The following NFIL3 variants were observed in gnomAD, a reference collection of about 807,000 sequenced individuals.
The protein encoded by NFIL3 is nuclear factor, interleukin 3 regulated.
In NFIL3, 5 loss-of-function variants were observed where a neutral mutation model predicts 10.0. That is an observed-to-expected ratio of 0.50 (90% CI 0.26 to 1.06). The LOEUF is 1.06. Among genes scored for constraint, NFIL3 ranks in the 50% least tolerant of loss-of-function variants. The pLI is 0.13. For synonymous variants in NFIL3, 202 were observed against 206.5 expected, an observed-to-expected ratio of 0.98 and a Z score of 0.19; for missense variants, 436 against 547.6, an observed-to-expected ratio of 0.80 and a Z score of 2.03.
the NFIL3 span, among the ~76,000 whole-genome samples, chr9:91,458,328 G>A: frequency 6.6e-6 from 1 of 151,952 alleles, no homozygotes; most frequent in African/African-American, 2.4e-5. Flanking sequence ...TGAGATTCAG[G>A]GCTATTTAGG....
chr9:91,468,668 T>G, the NFIL3 span, among the ~76,000 whole-genome samples: 2 of 152,252 alleles, frequency 1.3e-5, no homozygotes, highest in African/African-American at 2.4e-5. Flanking sequence ...TTTATGGTTT[T>G]GGGTCTAACA....
the NFIL3 span, among the ~76,000 whole-genome samples, chr9:91,466,024 CTGTG>C: frequency 1.3e-5 from 2 of 151,164 alleles, no homozygotes; most frequent in Non-Finnish European, 3.0e-5. Context: ...TACAGTAGAT[CTGTG>C]TGTGTGTGTA....
At chr9:91,443,495 C>T in the NFIL3 span, among the ~76,000 whole-genome samples, 2 of 152,376 alleles carry the variant, frequency 1.3e-5, no homozygotes, top group East Asian at 3.9e-4. Context: ...TCCTTGGCCT[C>T]CCACTTGTGC....
chr9:91,449,673 T>A, the NFIL3 span, among the ~76,000 whole-genome samples: 73 of 152,252 alleles, frequency 4.8e-4, no homozygotes, highest in African/African-American at 1.7e-3. Flanking sequence ...TTCTTTTTTC[T>A]TGTGATGTTT....
the NFIL3 span, among the ~76,000 whole-genome samples, chr9:91,431,090 G>A: frequency 1.8e-4 from 27 of 152,316 alleles, no homozygotes; most frequent in African/African-American, 5.8e-4. Flanking sequence ...TTGCAAAGTC[G>A]GCATGGGAGA....
the NFIL3 span, among the ~76,000 whole-genome samples, chr9:91,458,552 G>C: frequency 6.6e-6 from 1 of 151,694 alleles, no homozygotes; most frequent in Non-Finnish European, 1.5e-5. Flanking sequence ...AGCTTTTCTA[G>C]AAGTTATCCA....
chr9:91,460,913 A>G, the NFIL3 span, among the ~76,000 whole-genome samples: 2 of 152,382 alleles, frequency 1.3e-5, no homozygotes, highest in East Asian at 3.9e-4. Flanking sequence ...TCCTAAGCAT[A>G]TAGGCAATAT....
At chr9:91,452,662 C>T in the NFIL3 span, among the ~76,000 whole-genome samples, 3 of 151,768 alleles carry the variant, frequency 2.0e-5, no homozygotes, top group South Asian at 6.2e-4. Context: ...TGGCGTACAC[C>T]TGTAATCCCA....
At chr9:91,432,499 T>C in the NFIL3 span, among the ~76,000 whole-genome samples, 7 of 152,178 alleles carry the variant, frequency 4.6e-5, no homozygotes, top group African/African-American at 1.7e-4. Flanking sequence ...AGTGCAGCAA[T>C]AGTCCCAAAA....
Position 91,409,969 on chromosome 9 carries a change from A to C in NFIL3, c.766T>G (p.Ser256Ala). 6.2e-7 allele frequency: 1 copy of C among 1,613,590 alleles called. No individual in the cohort carries two copies. Reference protein sequence around the residue: ...NYMGNSFSGYSHSPPLLQVNR... With the variant: ...NYMGNSFSGYAHSPPLLQVNR... ...ACTTGCAGTAGTGGGGGAGAGTGTG[A>C]GTACCCAGAGAAAGAATTCCCCATA... The change falls in exon 2 of 2, where the codon TCA (serine) becomes GCA (alanine). Residue 256 changes from serine (S) to alanine (A), a missense_variant. By Grantham distance (99) the Ser-to-Ala change is moderately conservative. Coordinates refer to ENST00000297689, the MANE Select transcript of NFIL3 (RefSeq NM_005384.3).
At chr9:91,443,205 A>G in the NFIL3 span, among the ~76,000 whole-genome samples, 2 of 152,150 alleles carry the variant, frequency 1.3e-5, no homozygotes, top group Non-Finnish European at 2.9e-5. Context: ...TGGGCTCAGA[A>G]GGGAAGAAAT....
chr9:91,464,429 T>C, the NFIL3 span, among the ~76,000 whole-genome samples: 78 of 152,114 alleles, frequency 5.1e-4, no homozygotes, highest in Middle Eastern at 3.4e-3. Flanking sequence ...TATAATGGAG[T>C]ATTCCTATTT....
intron 1 of NFIL3, among the ~76,000 whole-genome samples, chr9:91,412,769 A>G (rs1231438742): frequency 1.3e-5 from 2 of 151,214 alleles, no homozygotes; most frequent in African/African-American, 2.4e-5. Flanking sequence ...GCTTGAACCC[A>G]GGAACCCAGG....
chr9:91,452,787 C>CAAAA, the NFIL3 span, among the ~76,000 whole-genome samples: 8 of 59,802 alleles, frequency 1.3e-4, no homozygotes, highest in East Asian at 4.6e-4. Context: ...AACTCTGTCT[C>CAAAA]AAAAAAAAAA....
chr9:91,461,873 G>C, the NFIL3 span, among the ~76,000 whole-genome samples: 1 of 152,154 alleles, frequency 6.6e-6, no homozygotes, highest in East Asian at 1.9e-4. Flanking sequence ...ATCTTATTTA[G>C]GAAACAAAGT....
At chr9:91,449,826 G>C in the NFIL3 span, among the ~76,000 whole-genome samples, 1 of 151,964 alleles carries the variant, frequency 6.6e-6, no homozygotes, top group Non-Finnish European at 1.5e-5. Flanking sequence ...AAAGCCGTCT[G>C]GTCCTGGATT....
the NFIL3 span, among the ~76,000 whole-genome samples, chr9:91,472,205 T>A: frequency 6.6e-5 from 10 of 152,144 alleles, no homozygotes; most frequent in Non-Finnish European, 1.5e-4. Flanking sequence ...TCTCAAGGAG[T>A]ATCTTTGTGG....
chr9:91,409,592 G>C lies in NFIL3; in HGVS notation c.1143C>G (p.Phe381Leu). 2 of 1,614,234 alleles carry C rather than the reference G, an allele frequency of 1.2e-6. No homozygotes were observed. The highest frequency in any genetic ancestry group is 1.7e-6 in the Non-Finnish European group (2 of 1,180,038). Residue 381 changes from phenylalanine (F) to leucine (L), a missense_variant, in exon 2 of 2, where the codon TTC becomes TTG. By Grantham distance (22) the Phe-to-Leu change is conservative (BLOSUM62 0). This residue lies in a region of NFIL3 where 338 missense variants were observed against 399.9 expected (regional missense o/e 0.85). Transcript: ENST00000297689. ...PSMVHSSLTP[F>L]SVQVTNIQDW... ...CTTGAATGTTAGTCACTTGCACTGA[G>C]AAAGGAGTAAGAGAAGAATGTACCA... is the stretch of plus-strand genomic sequence containing the variant.
chr9:91,480,956 G>A, the NFIL3 span, among the ~76,000 whole-genome samples: 27 of 152,174 alleles, frequency 1.8e-4, no homozygotes, highest in Admixed American at 1.3e-3. Context: ...GGAAGGGCGC[G>A]CAGAGGGTGA....
Sources: allele counts gnomAD v4.1 joint callset (sites outside exome capture counted in the v4.1 genomes callset), GRCh38; gene constraint gnomAD v4.1.1; regional missense constraint gnomAD v4.1.1; transcripts MANE v1.5; gene names NCBI Gene and HGNC (gene_info 2026-07-23, HGNC 2026-07-21).